TET2: variants seen among roughly 807,000 people sequenced by gnomAD.
TET2 encodes the protein tet methylcytosine dioxygenase 2, also known as methylcytosine dioxygenase TET2.
TET2 carries 299 observed loss-of-function variants against 142.9 expected under a neutral mutation model. The observed-to-expected ratio is 2.09, with a 90% CI of 1.90 to 2.30. The LOEUF (loss-of-function observed/expected upper bound fraction) is 2.30. TET2 is among the 30% of genes most tolerant of loss of function. TET2 has a pLI of 0.00. For missense variants in TET2, 2,418 were observed against 2,378.0 expected (o/e 1.02, Z -0.35); for synonymous variants, 819 against 849.0 (o/e 0.96, Z 0.61).
chr4:105,268,550 A>G (rs1730802132), intron 8 of TET2, among the ~76,000 whole-genome samples: 1 of 152,200 alleles, frequency 6.6e-6, no homozygotes, highest in African/African-American at 2.4e-5. Flanking sequence ...TGTAAAATAT[A>G]TATACTTGGA....
At chr4:105,211,483 C>T (rs1384408219) in intron 2 of TET2, among the ~76,000 whole-genome samples, 3 of 152,158 alleles carry the variant, frequency 2.0e-5, no homozygotes, top group Non-Finnish European at 4.4e-5. Flanking sequence ...GTCCAGCCCC[C>T]TGAGGTGACC....
chr4:105,192,355 A>G (rs1725839693), intron 2 of TET2, among the ~76,000 whole-genome samples: 2 of 151,220 alleles, frequency 1.3e-5, no homozygotes, highest in Admixed American at 1.3e-4. Context: ...CCCTTGACAT[A>G]TTTTCAATAG....
At chr4:105,223,350 C>T (rs1044596372) in intron 2 of TET2, among the ~76,000 whole-genome samples, 3 of 151,956 alleles carry the variant, frequency 2.0e-5, no homozygotes, top group African/African-American at 7.2e-5. Flanking sequence ...AAAATTTTAG[C>T]TTTAATATTT....
chr4:105,161,612 T>G (rs1723864172), intron 1 of TET2, among the ~76,000 whole-genome samples: 1 of 152,234 alleles, frequency 6.6e-6, no homozygotes, highest in Non-Finnish European at 1.5e-5. Flanking sequence ...CTCGGACCTT[T>G]GTTTCACAGT....
Position 105,146,886 on chromosome 4 carries a change from A to C in TET2, c.-286A>C, listed in dbSNP as rs970419415. 2 of 152,420 alleles carry C rather than the reference A, an allele frequency of 1.3e-5. No individual in the cohort carries two copies. Among genetic ancestry groups the C allele is most frequent in the African/African-American group, 4.8e-5 (2 of 41,468 alleles). The allele number at this position is 152,420 out of a possible 1,614,324, so 9.4% of individuals were successfully genotyped here. ...GGCTAGGCTGCTTTCGTAGAGAAGCAGAAGGAAGCAAGATGGCTGCCCTTT... is the reference window on the plus strand; with the variant it reads ...GGCTAGGCTGCTTTCGTAGAGAAGCCGAAGGAAGCAAGATGGCTGCCCTTT... On this transcript the variant is annotated 5_prime_UTR_variant, in exon 1 of 11. Coordinates refer to ENST00000380013, the MANE Select transcript of TET2 (RefSeq NM_001127208.3).
chr4:105,211,942 C>T (rs1474687524), intron 2 of TET2, among the ~76,000 whole-genome samples: 1 of 152,202 alleles, frequency 6.6e-6, no homozygotes, highest in Non-Finnish European at 1.5e-5. Context: ...GCAAAGACTA[C>T]TTACTGTAAC....
intron 2 of TET2, among the ~76,000 whole-genome samples, chr4:105,197,062 C>G (rs953907881): frequency 6.6e-6 from 1 of 152,100 alleles, no homozygotes; most frequent in Non-Finnish European, 1.5e-5. Flanking sequence ...TACATTATAT[C>G]GGAGCTTGAA....
Position 105,236,869 on chromosome 4 carries a change from A to C in TET2, c.2927A>C (p.Gln976Pro). ...CCCCAAACTGAGTCTTGCCATAGTC[A>C]GATGCACAGGCCAATTAAGGTGGAA... ...QQPQTESCHS[Q>P]MHRPIKVEPG... The change falls in exon 3 of 11, where the codon CAG becomes CCG. Residue 976 changes from glutamine to proline, a missense_variant. Transcript: ENST00000380013. 1 of 1,614,180 alleles carries C rather than the reference A, an allele frequency of 6.2e-7. No individual in the cohort carries two copies. The highest frequency in any genetic ancestry group is 8.5e-7 in the Non-Finnish European group (1 of 1,180,010).
chr4:105,208,192 A>G (rs1446121725), intron 2 of TET2, among the ~76,000 whole-genome samples: 16 of 151,842 alleles, frequency 1.1e-4, no homozygotes, highest in Non-Finnish European at 1.8e-4. Context: ...TCTCTTTACA[A>G]TCTCTAAATT....
chr4:105,226,079 T>TA (rs386401060), intron 2 of TET2, among the ~76,000 whole-genome samples: 1 of 150,730 alleles, frequency 6.6e-6, no homozygotes, highest in Non-Finnish European at 1.5e-5. Context: ...CCAAAATACT[T>TA]GTTTTTTAAT....
intron 2 of TET2, among the ~76,000 whole-genome samples, chr4:105,209,593 A>G (rs1381414238): frequency 6.6e-6 from 1 of 152,168 alleles, no homozygotes. Flanking sequence ...ACAAAACAGA[A>G]ATCTGACAAC....
chr4:105,206,763 G>A (rs1726851133), intron 2 of TET2, among the ~76,000 whole-genome samples: 3 of 152,098 alleles, frequency 2.0e-5, no homozygotes, highest in Admixed American at 2.0e-4. Context: ...TCATTTACTG[G>A]AAAGAGGGCT....
intron 2 of TET2, among the ~76,000 whole-genome samples, chr4:105,200,746 C>T (rs1449620655): frequency 1.3e-5 from 2 of 151,992 alleles, no homozygotes; most frequent in African/African-American, 4.8e-5. Context: ...TTGCAACCTC[C>T]ACATTCCGGG....
intron 6 of TET2, among the ~76,000 whole-genome samples, chr4:105,253,582 G>C (rs1729978690): frequency 6.7e-6 from 1 of 149,670 alleles, no homozygotes; most frequent in Non-Finnish European, 1.5e-5. Flanking sequence ...ATATTTTCTA[G>C]GTGATCATGT....
At position 105,275,375 on chromosome 4, in the gene TET2, T is replaced by C. The variant is rs1223482878; in HGVS notation, c.4865T>C (p.Leu1622Ser). ...SNPMNPYPGL[L>S]NQNTQYPSYQ... ...CCCATGAACCCTTACCCTGGGCTTT[T>C]GAATCAGAATACCCAATATCCATCA... Residue 1622 changes from leucine (L) to serine (S), a missense_variant, in exon 11 of 11, where the codon TTG becomes TCG. Transcript: ENST00000380013. The C allele has an allele frequency of 6.4e-7, 1 of 1,551,596 alleles. No individual in the cohort carries two copies. Among genetic ancestry groups the C allele is most frequent in the Non-Finnish European group, 8.7e-7 (1 of 1,146,998 alleles).
intron 1 of TET2, among the ~76,000 whole-genome samples, chr4:105,148,431 C>G (rs1723143069): frequency 6.6e-6 from 1 of 152,156 alleles, no homozygotes; most frequent in Non-Finnish European, 1.5e-5. Context: ...TCAAATCACA[C>G]ATTGTGCTTT....
chr4:105,242,859 A>T lies in TET2; in HGVS notation c.3526A>T (p.Arg1176Trp). The T allele has an allele frequency of 6.4e-7, 1 of 1,551,392 alleles. No homozygotes were observed. The highest frequency in any genetic ancestry group is 8.7e-7 in the Non-Finnish European group (1 of 1,146,844). Residue 1176 changes from arginine (R) to tryptophan (W), a missense_variant, in exon 5 of 11, where the codon AGG (arginine) becomes TGG (tryptophan). Transcript: ENST00000380013. ...ERFGQKGKAI[R>W]IERVIYTGKE... ...GTTTGGACAGAAGGGTAAAGCTATTAGGATTGAAAGAGTCATCTATACTGG... is the reference window on the plus strand; with the variant it reads ...GTTTGGACAGAAGGGTAAAGCTATTTGGATTGAAAGAGTCATCTATACTGG...
In TET2 at chr4:105,152,205, C is replaced by T. The variant is rs140716393; in HGVS notation, c.-193+5226C>T. ...TACAGGAGAATTGCTTGAACCCTCC[C>T]GGGAGGCAGAGGCTGCGGTGAGCCG... On this transcript the variant is annotated intron_variant, in intron 1 of 10. Coordinates refer to ENST00000380013, the MANE Select transcript of TET2 (RefSeq NM_001127208.3). Among the ~76,000 whole-genome samples, 679 of 152,150 alleles carry T rather than the reference C, an allele frequency of 4.5e-3. 4 individuals are homozygous for T. The highest frequency in any genetic ancestry group is 0.015 in the African/African-American group (635 of 41,526).
rs1731340097 is a variant in TET2, at chr4:105,278,934, G to A, written c.*2415G>A. On this transcript the variant is annotated 3_prime_UTR_variant, in exon 11 of 11. Coordinates refer to ENST00000380013, the MANE Select transcript of TET2 (RefSeq NM_001127208.3). ...CTACAGGTATGGTGTGCAACAGATT[G>A]TACAATTACATTTTGGCCTAAATAC... 8.6e-6 allele frequency: 2 copies of A among 232,866 alleles called. No individual in the cohort carries two copies. Among genetic ancestry groups the A allele is most frequent in the East Asian group, 1.2e-4 (2 of 16,496 alleles). The allele number at this position is 232,866 out of a possible 1,614,324, so 14.4% of individuals were successfully genotyped here.
Sources: gnomAD v4.1 joint callset for allele counts (sites outside exome capture counted in the v4.1 genomes callset) on GRCh38, gnomAD v4.1.1 for gene constraint, MANE v1.5 for transcripts, NCBI Gene and HGNC (gene_info 2026-07-23, HGNC 2026-07-21) for gene names.